The following AK9 variants were observed in gnomAD, a reference collection of about 807,000 sequenced individuals.
The protein encoded by AK9 is adenylate kinase domain containing 1.
In AK9, 191 loss-of-function variants were observed where a neutral mutation model predicts 239.6. That is an observed-to-expected ratio of 0.80 (90% CI 0.71 to 0.90). AK9 has a LOEUF of 0.90. Ranked by LOEUF, AK9 falls within the 40% of genes least tolerant of loss-of-function variation. The pLI, the probability that AK9 is intolerant of heterozygous loss-of-function variation, is 0.00. For missense variants in AK9, 1,995 were observed against 2,214.7 expected (o/e 0.90, Z 1.99); for synonymous variants, 689 against 721.0 (o/e 0.96, Z 0.71).
At chr6:109,636,327 C>G (rs1482130226) in intron 10 of AK9, among the ~76,000 whole-genome samples, 1 of 152,156 alleles carries the variant, frequency 6.6e-6, no homozygotes, top group Non-Finnish European at 1.5e-5. Context: ...ACCAGTGGTT[C>G]TCTTCCTGAG....
Position 109,585,110 on chromosome 6 carries a change from A to G in AK9, c.2114+13T>C. The G allele has an allele frequency of 8.8e-7, 1 of 1,136,772 alleles. No individual in the cohort carries two copies. The highest frequency in any genetic ancestry group is 1.1e-6 in the Non-Finnish European group (1 of 901,294). The allele number at this position is 1,136,772 out of a possible 1,614,324, so 70.4% of individuals were successfully genotyped here. On this transcript the variant is annotated intron_variant, in intron 19 of 40. Transcript: ENST00000424296. ...ATACATTAATCTGTTTTATCATTCT[A>G]GGCAGATTTTACCTTGCTTCTTCTT... is the stretch of plus-strand genomic sequence containing the variant.
intron 38 of AK9, among the ~76,000 whole-genome samples, chr6:109,495,679 T>C (rs1052301388): frequency 7.2e-5 from 11 of 152,200 alleles, no homozygotes; most frequent in African/African-American, 2.4e-4. Context: ...TAAAACTTTC[T>C]TTATTTTCCT....
At chr6:109,494,330 T>C (rs1776818912) in intron 39 of AK9, 3 of 429,304 alleles carry the variant, frequency 7.0e-6, no homozygotes, top group South Asian at 8.9e-5. Context: ...AAGTGATGGA[T>C]AGGAGTATGG....
In AK9 at chr6:109,500,443, T is replaced by C. The variant is rs143665680; in HGVS notation, c.4850-1203A>G. On this transcript the variant is annotated intron_variant, in intron 35 of 40. Coordinates refer to ENST00000424296, the MANE Select transcript of AK9 (RefSeq NM_001145128.3). ...AAGATGTTATAGAAAATAAAATTAC[T>C]TTTTAAATACATTTTAGTTATAATG... Among the ~76,000 whole-genome samples, 22 of 152,338 alleles carry C rather than the reference T, an allele frequency of 1.4e-4. No homozygotes were observed. In the East Asian group the frequency reaches 4.2e-3, roughly 29 times the overall value.
rs75714660 is a variant in AK9 at position 109,614,281 on chromosome 6, G to A, written c.1511C>T (p.Ser504Phe). The change falls in exon 15 of 41, where the codon TCC becomes TTC. Residue 504 changes from serine to phenylalanine, a missense_variant. By Grantham distance (155) the Ser-to-Phe change is radical. Transcript: ENST00000424296. ...TAAAGAGCTGCCTCTGTCCCTTTGGGAGCCTTGAATGTACCCTGCAATGAA... is the reference window on the plus strand; with the variant it reads ...TAAAGAGCTGCCTCTGTCCCTTTGGAAGCCTTGAATGTACCCTGCAATGAA... The part of the protein sequence containing the change: ...SIDEEGYIQG[S>F]QRDRGSSLVD... 0.02 allele frequency: 30,421 copies of A among 1,551,278 alleles called. 806 individuals are homozygous for A. The highest frequency in any genetic ancestry group is 0.11 in the East Asian group (4,670 of 40,880).
At chr6:109,499,295 T>C in intron 35 of AK9, 55 bp from the exon 36 acceptor site, 1 of 1,296,958 alleles carries the variant, frequency 7.7e-7, no homozygotes, top group Non-Finnish European at 1.0e-6. Context: ...GAGAACGCAA[T>C]GATTTTAGAA....
At chr6:109,660,384 T>G (rs1800266741) in intron 6 of AK9, among the ~76,000 whole-genome samples, 1 of 152,176 alleles carries the variant, frequency 6.6e-6, no homozygotes, top group Admixed American at 6.5e-5. Context: ...GGAGTGAGGC[T>G]TAGATTCTTC....
chr6:109,512,978 C>T (rs1237173107), intron 32 of AK9, among the ~76,000 whole-genome samples: 2 of 152,170 alleles, frequency 1.3e-5, no homozygotes, highest in Non-Finnish European at 2.9e-5. Context: ...GTCCTCCCAC[C>T]TCAGCCTCCT....
chr6:109,555,369 TGA>T (rs1332494095), intron 24 of AK9, among the ~76,000 whole-genome samples: 9 of 152,362 alleles, frequency 5.9e-5, no homozygotes, highest in African/African-American at 2.2e-4. Flanking sequence ...CACTGTGATC[TGA>T]GAGACTGTTT....
At chr6:109,672,064 T>C in intron 4 of AK9, 49 bp from the exon 5 acceptor site, 8 of 1,612,252 alleles carry the variant, frequency 5.0e-6, no homozygotes, top group Non-Finnish European at 6.8e-6. Context: ...ATATCTATGA[T>C]ACAGAGCTTT....
At chr6:109,641,029 T>G (rs992841990) in intron 10 of AK9, among the ~76,000 whole-genome samples, 1 of 151,908 alleles carries the variant, frequency 6.6e-6, no homozygotes, top group African/African-American at 2.4e-5. Context: ...ACTTGTGTTG[T>G]GTCTAATATC....
chr6:109,600,076 T>G (rs1791693087), intron 17 of AK9, among the ~76,000 whole-genome samples: 1 of 152,202 alleles, frequency 6.6e-6, no homozygotes, highest in Non-Finnish European at 1.5e-5. Context: ...TATTTCTTTC[T>G]CCTGCCTGAT....
chr6:109,591,047 T>A (rs911102477), intron 17 of AK9, among the ~76,000 whole-genome samples: 4 of 152,112 alleles, frequency 2.6e-5, no homozygotes, highest in African/African-American at 9.7e-5. Flanking sequence ...TGGTCTAGAG[T>A]CCAATTTAAG....
chr6:109,641,673 T>G, intron 9 of AK9, 57 bp from the exon 10 acceptor site: 1 of 1,456,144 alleles, frequency 6.9e-7, no homozygotes, highest in Non-Finnish European at 9.5e-7. Context: ...TCAAATACTC[T>G]GAAACAGTGG....
chr6:109,585,961 T>C lies in AK9; in HGVS notation c.1954A>G (p.Ile652Val), dbSNP rs1479182001. The C allele has an allele frequency of 6.4e-7, 1 of 1,551,238 alleles. No homozygotes were observed. Among genetic ancestry groups the C allele is most frequent in the Non-Finnish European group, 8.7e-7 (1 of 1,146,790 alleles). The change falls in exon 18 of 41, where the codon ATT (isoleucine) becomes GTT (valine). Residue 652 changes from isoleucine to valine, a missense_variant. Around this residue, in one of 5 missense-constraint regions of AK9, gnomAD observed 1,290 missense variants for 1,392.7 expected, o/e 0.93. Transcript: ENST00000424296. ...AAATAGATGACCAAATCAGGTATAA[T>C]TCCTTTCTTGATTAAGGCCATCCAC... ...ELWMALIKKG[I>V]IPDLVIYLSD...
At chr6:109,666,017 T>G (rs976228024) in intron 5 of AK9, among the ~76,000 whole-genome samples, 2 of 152,214 alleles carry the variant, frequency 1.3e-5, no homozygotes, top group African/African-American at 4.8e-5. Context: ...ATGTTCATAC[T>G]TGGTCTCTTT....
At chr6:109,566,042 C>G (rs1039276404) in intron 21 of AK9, among the ~76,000 whole-genome samples, 2 of 152,076 alleles carry the variant, frequency 1.3e-5, no homozygotes, top group African/African-American at 4.8e-5. Flanking sequence ...TTCTACAATG[C>G]CTTAGCTTCT....
chr6:109,593,440 G>A (rs1244885700), intron 17 of AK9, among the ~76,000 whole-genome samples: 3 of 152,102 alleles, frequency 2.0e-5, no homozygotes, highest in Non-Finnish European at 4.4e-5. Context: ...GGGGTACAAA[G>A]AGGAGCCGGT....
intron 24 of AK9, among the ~76,000 whole-genome samples, chr6:109,551,777 A>AT (rs1582966855): frequency 7.1e-6 from 1 of 141,084 alleles, no homozygotes; most frequent in East Asian, 2.4e-4. Context: ...TTCCAAAAAA[A>AT]AAAAGGGGGG....
Sources: gnomAD v4.1 joint callset for allele counts (sites outside exome capture counted in the v4.1 genomes callset) on GRCh38, gnomAD v4.1.1 for gene constraint, gnomAD v4.1.1 regional missense constraint, MANE v1.5 for transcripts, NCBI Gene and HGNC (gene_info 2026-07-23, HGNC 2026-07-21) for gene names.